The following OR14I1 variants were observed in gnomAD, a reference collection of about 807,000 sequenced individuals.
OR14I1 encodes the protein olfactory receptor family 14 subfamily I member 1, also known as olfactory receptor 14I1.
For synonymous variants in OR14I1, 118 were observed against 71.1 expected (o/e 1.66, Z -3.32); for missense variants, 279 against 181.8 (o/e 1.53, Z -3.07).
chr1:248,686,487 G>A (rs1003420292), upstream of OR14I1, among the ~76,000 whole-genome samples: 2 of 152,106 alleles, frequency 1.3e-5, no homozygotes, highest in African/African-American at 4.8e-5. Flanking sequence ...ACTGCACCAT[G>A]AGCTGCTTCC....
upstream of OR14I1, among the ~76,000 whole-genome samples, chr1:248,686,560 A>AGAAGTTTTCCTCTGTGTCTCACC (rs1444519254): frequency 6.7e-6 from 1 of 149,594 alleles, no homozygotes; most frequent in African/African-American, 2.4e-5. Flanking sequence ...AAATTCAAGC[A>AGAAGTTTTCCTCTGTGTCTCACC]AACTGAATGC....
chr1:248,695,645 CATGT>C, the OR14I1 span, among the ~76,000 whole-genome samples: 1 of 152,076 alleles, frequency 6.6e-6, no homozygotes, highest in African/African-American at 2.4e-5. Context: ...GGTGGAGAGG[CATGT>C]GGGCGTCTCT....
chr1:248,681,466 G>A (rs1322582521), exon 1 of OR14I1: 1 of 780,996 alleles, frequency 1.3e-6, no homozygotes, highest in Non-Finnish European at 2.4e-6. Flanking sequence ...GAGGAAGGGA[G>A]GCAAAACTGT....
chr1:248,684,762 A>G (rs1661617431), upstream of OR14I1, among the ~76,000 whole-genome samples: 1 of 144,040 alleles, frequency 6.9e-6, no homozygotes, highest in African/African-American at 2.5e-5. Context: ...ACATACATAT[A>G]TATATATATA....
At chr1:248,687,736 G>C in the OR14I1 span, among the ~76,000 whole-genome samples, 12 of 152,330 alleles carry the variant, frequency 7.9e-5, no homozygotes, top group East Asian at 1.9e-3. Flanking sequence ...CCAGACATAG[G>C]AGCAAAGTAG....
downstream of OR14I1, among the ~76,000 whole-genome samples, chr1:248,680,771 C>T (rs1661545613): frequency 6.6e-6 from 1 of 152,134 alleles, no homozygotes; most frequent in Non-Finnish European, 1.5e-5. Context: ...CTGAGGCACT[C>T]AGTGACAATC....
rs765528124 is a variant in OR14I1 at position 248,681,974 on chromosome 1, C to A, written c.331G>T (p.Ala111Ser). 5 of 780,974 alleles carry A rather than the reference C, an allele frequency of 6.4e-6. No homozygotes were observed. In the South Asian group the frequency reaches 6.7e-5, roughly 10 times the overall value. The allele number at this position is 780,974 out of a possible 1,614,324, so 48.4% of individuals were successfully genotyped here. ...TCATAAGACATGACAGTAAGGAAGG[C>A]CAGCTCAGCAGATGCAAAGGCAGAG... The change falls in exon 1 of 1, where the codon GCC becomes TCC. Residue 111 changes from alanine to serine, a missense_variant. Coordinates refer to ENST00000342623, the Ensembl canonical transcript of OR14I1.
At chr1:248,690,433 A>G in the OR14I1 span, among the ~76,000 whole-genome samples, 1 of 152,106 alleles carries the variant, frequency 6.6e-6, no homozygotes, top group Non-Finnish European at 1.5e-5. Flanking sequence ...AACTACCATC[A>G]GAGAATACTA....
the OR14I1 span, among the ~76,000 whole-genome samples, chr1:248,690,580 G>T: frequency 1.1e-5 from 1 of 93,170 alleles, no homozygotes; most frequent in South Asian, 3.8e-4. Context: ...AATCCAGGCA[G>T]TAATTAATGG....
rs1014513557 is a variant in OR14I1, at chr1:248,682,144, T to A, written c.161A>T (p.His54Leu). 4 of 780,902 alleles carry A rather than the reference T, an allele frequency of 5.1e-6. No individual in the cohort carries two copies. In the African/African-American group the frequency reaches 6.8e-5, roughly 13 times the overall value. 48.4% of individuals were successfully genotyped at this position (780,902 alleles called of 1,614,324 possible). The stretch of plus-strand genomic sequence containing the variant: ...CTTCAGGAAGAAGTACATGGGTGTG[T>A]GAAGATGCTGATCGAGAGTGATGAC... The change falls in exon 1 of 1, where the codon CAC (histidine) becomes CTC (leucine). Residue 54 changes from histidine to leucine, a missense_variant. His to Leu is a moderately conservative substitution (Grantham distance 99). Coordinates refer to ENST00000342623, the Ensembl canonical transcript of OR14I1.
chr1:248,681,367 T>A, exon 1 of OR14I1: 1 of 730,088 alleles, frequency 1.4e-6, no homozygotes, highest in South Asian at 1.5e-5. Context: ...GACCAGGATG[T>A]TCTACTTTTG....
chr1:248,701,396 C>G, the OR14I1 span, among the ~76,000 whole-genome samples: 2 of 152,206 alleles, frequency 1.3e-5, no homozygotes, highest in Non-Finnish European at 2.9e-5. Context: ...TCAAGTGATC[C>G]ATCCACCTCA....
At chr1:248,693,027 A>G in the OR14I1 span, among the ~76,000 whole-genome samples, 27 of 152,208 alleles carry the variant, frequency 1.8e-4, no homozygotes, top group Non-Finnish European at 2.9e-4. Context: ...TGAAGGTTAT[A>G]GGGTACTGTG....
upstream of OR14I1, among the ~76,000 whole-genome samples, chr1:248,683,368 A>C (rs1367127243): frequency 6.6e-6 from 1 of 152,236 alleles, no homozygotes; most frequent in Non-Finnish European, 1.5e-5. Context: ...TCCTGTTCAC[A>C]TGACTCAAAT....
chr1:248,695,730 TCTC>T, the OR14I1 span, among the ~76,000 whole-genome samples: 1 of 151,930 alleles, frequency 6.6e-6, no homozygotes, highest in African/African-American at 2.4e-5. Context: ...CCCAACCCCT[TCTC>T]CTACCCCGGG....
At chr1:248,701,124 C>G in the OR14I1 span, among the ~76,000 whole-genome samples, 1 of 151,940 alleles carries the variant, frequency 6.6e-6, no homozygotes, top group Non-Finnish European at 1.5e-5. Flanking sequence ...AAACTTTTTA[C>G]AAGACAAACA....
the OR14I1 span, among the ~76,000 whole-genome samples, chr1:248,691,409 G>T: frequency 6.6e-6 from 1 of 152,218 alleles, no homozygotes; most frequent in Admixed American, 6.5e-5. Context: ...GACTTGGAGG[G>T]TATTGGTAGG....
chr1:248,688,277 C>T, the OR14I1 span, among the ~76,000 whole-genome samples: 64 of 152,324 alleles, frequency 4.2e-4, no homozygotes, highest in African/African-American at 1.4e-3. Flanking sequence ...ACTTTAAAGG[C>T]AAGGCTTCTG....
At chr1:248,695,748 G>A in the OR14I1 span, among the ~76,000 whole-genome samples, 2 of 152,122 alleles carry the variant, frequency 1.3e-5, no homozygotes, top group Non-Finnish European at 2.9e-5. Context: ...CCCGGGTGGA[G>A]GGCCAGCTGC....
Sources: gnomAD v4.1 joint callset for allele counts (sites outside exome capture counted in the v4.1 genomes callset) on GRCh38, gnomAD v4.1.1 for gene constraint, MANE v1.5 for transcripts, NCBI Gene and HGNC (gene_info 2026-07-23, HGNC 2026-07-21) for gene names.